SLC23A2: variants seen among roughly 807,000 people sequenced by gnomAD.
SLC23A2 encodes solute carrier family 23 member 2.
A neutral mutation model predicts 73.3 loss-of-function variants in SLC23A2; 36 were observed. The ratio of observed to expected loss-of-function variants is 0.49; its 90% CI spans 0.38 to 0.65. The LOEUF is 0.65. SLC23A2 is among the 30% of genes least tolerant of loss of function. The pLI is 0.00. For missense variants in SLC23A2, 507 were observed against 841.6 expected, an observed-to-expected ratio of 0.60 and a Z score of 4.92; for synonymous variants, 343 against 327.3, an observed-to-expected ratio of 1.05 and a Z score of -0.52.
intron 1 of SLC23A2, among the ~76,000 whole-genome samples, chr20:4,987,570 C>G (rs573033055): frequency 6.6e-6 from 1 of 152,164 alleles, no homozygotes; most frequent in South Asian, 2.1e-4. Context: ...ACTATGTGGC[C>G]GGGCGCGGTG....
rs922499044 is a variant in SLC23A2, at chr20:4,872,199, G to A, written c.1102+1737C>T. On this transcript the variant is annotated intron_variant, in intron 11 of 16. Transcript: ENST00000338244. This position sits in a 1 kb window ranked among gnomAD's most constrained non-coding sequence, Gnocchi z 4.4. ...TCCAGACCATGCCTAGTGTACTAAAGACTGAAAAGCACTGCTCAGGTATTC... is the reference window on the plus strand; with the variant it reads ...TCCAGACCATGCCTAGTGTACTAAAAACTGAAAAGCACTGCTCAGGTATTC... Among the ~76,000 whole-genome samples, 1 of 152,126 alleles carries A rather than the reference G, an allele frequency of 6.6e-6. No individual in the cohort carries two copies. Among genetic ancestry groups the A allele is most frequent in the African/African-American group, 2.4e-5 (1 of 41,420 alleles).
chr20:5,003,291 G>A (rs1055939623), upstream of SLC23A2, among the ~76,000 whole-genome samples: 9 of 152,130 alleles, frequency 5.9e-5, no homozygotes, highest in Non-Finnish European at 1.2e-4. Flanking sequence ...GGCTGAGGCA[G>A]GAGAATGGCG....
chr20:5,000,896 A>T (rs1196212457), intron 1 of SLC23A2, among the ~76,000 whole-genome samples: 1 of 152,140 alleles, frequency 6.6e-6, no homozygotes, highest in Admixed American at 6.5e-5. Flanking sequence ...GAAGGGAAGA[A>T]AGCAAGAATG....
intron 2 of SLC23A2, among the ~76,000 whole-genome samples, chr20:4,970,376 A>C (rs1312768133): frequency 6.6e-6 from 1 of 152,186 alleles, no homozygotes; most frequent in East Asian, 1.9e-4. Flanking sequence ...TAAAAAACGT[A>C]CAAAGGTAAG....
At chr20:4,920,986 T>C (rs953402348) in intron 3 of SLC23A2, among the ~76,000 whole-genome samples, 1 of 152,136 alleles carries the variant, frequency 6.6e-6, no homozygotes, top group Non-Finnish European at 1.5e-5. Context: ...TGAAAGAATA[T>C]AAATGGCCAA....
At chr20:4,907,799 A>G (rs534933224) in intron 4 of SLC23A2, among the ~76,000 whole-genome samples, 24 of 152,288 alleles carry the variant, frequency 1.6e-4, no homozygotes, top group Admixed American at 3.9e-4. Context: ...AGGATACTAC[A>G]GTATTCAATG....
At chr20:4,927,902 G>A (rs1932724448) in intron 3 of SLC23A2, among the ~76,000 whole-genome samples, 2 of 152,088 alleles carry the variant, frequency 1.3e-5, no homozygotes, top group South Asian at 2.1e-4. Context: ...AATGGGAAGC[G>A]ACCCACTGTA....
Position 4,940,985 on chromosome 20 carries a change from G to A in SLC23A2, c.-154-8269C>T, listed in dbSNP as rs370908253. Among the ~76,000 whole-genome samples, 392 of 151,602 alleles carry A rather than the reference G, an allele frequency of 2.6e-3. 2 individuals carry two copies. The highest frequency in any genetic ancestry group is 9.2e-3 in the African/African-American group (381 of 41,330). On this transcript the variant is annotated intron_variant, in intron 2 of 16. Coordinates refer to ENST00000338244, the MANE Select transcript of SLC23A2 (RefSeq NM_005116.6). ...AGCCTGGCCAACATGGTGAAAACCC[G>A]TCTCTACCAAAAATACAAAAGTTAG...
At chr20:4,967,571 T>C (rs569615956) in intron 2 of SLC23A2, among the ~76,000 whole-genome samples, 19 of 152,316 alleles carry the variant, frequency 1.2e-4, no homozygotes, top group African/African-American at 3.6e-4. Context: ...TTGCTACTGA[T>C]CAAACCATAA....
intron 1 of SLC23A2, among the ~76,000 whole-genome samples, chr20:5,008,949 C>A (rs2088220105): frequency 6.6e-6 from 1 of 152,058 alleles, no homozygotes; most frequent in African/African-American, 2.4e-5. Context: ...CTCAAAAAAG[C>A]CACGTACAGT....
At chr20:4,972,566 G>T (rs1568649863) in intron 1 of SLC23A2, among the ~76,000 whole-genome samples, 4 of 122,194 alleles carry the variant, frequency 3.3e-5, no homozygotes, top group African/African-American at 1.2e-4. Flanking sequence ...TTTTTGGGGG[G>T]TTTTTTGGGG....
Position 4,863,054 on chromosome 20 carries a change from G to A in SLC23A2, c.1357-147C>T. On this transcript the variant is annotated intron_variant, in intron 13 of 16. Transcript: ENST00000338244. The surrounding 1 kb of genome is among the most constrained non-coding windows in gnomAD (Gnocchi z 4.8). ...AGCCCACTCTTCTCACCTCCACTGTGGGGACCCTGAGGGCCGCCCTCTGCA... is the reference window on the plus strand; with the variant it reads ...AGCCCACTCTTCTCACCTCCACTGTAGGGACCCTGAGGGCCGCCCTCTGCA... The A allele has an allele frequency of 1.3e-6, 1 of 754,240 alleles. No individual in the cohort carries two copies. Among genetic ancestry groups the A allele is most frequent in the South Asian group, 1.9e-5 (1 of 53,542 alleles). The allele number at this position is 754,240 out of a possible 1,614,324, so 46.7% of individuals were successfully genotyped here.
At chr20:4,917,080 C>T (rs1443628767) in intron 3 of SLC23A2, among the ~76,000 whole-genome samples, 3 of 152,182 alleles carry the variant, frequency 2.0e-5, no homozygotes, top group African/African-American at 7.2e-5. Context: ...AATGAGAATG[C>T]AGTCCTGCCT....
At chr20:4,966,569 T>C (rs1172475026) in intron 2 of SLC23A2, among the ~76,000 whole-genome samples, 1 of 152,170 alleles carries the variant, frequency 6.6e-6, no homozygotes, top group South Asian at 2.1e-4. Flanking sequence ...TTATATTGAT[T>C]GTGTTGAAAT....
chr20:4,929,449 C>T (rs558752320), intron 3 of SLC23A2, among the ~76,000 whole-genome samples: 1 of 152,284 alleles, frequency 6.6e-6, no homozygotes, highest in South Asian at 2.1e-4. Flanking sequence ...TGGTTGGCAA[C>T]CCTGGGGAAG....
chr20:4,901,134 G>A (rs1240806655), intron 5 of SLC23A2, among the ~76,000 whole-genome samples: 2 of 152,132 alleles, frequency 1.3e-5, no homozygotes, highest in Admixed American at 1.3e-4. Context: ...CTCAGCCCAA[G>A]GTAGACTAGT....
At chr20:4,875,524 A>C in intron 9 of SLC23A2, among the ~76,000 whole-genome samples, 1 of 152,166 alleles carries the variant, frequency 6.6e-6, no homozygotes. Flanking sequence ...CCCTGGTCAC[A>C]GGGCAAGGAG....
At chr20:4,984,693 T>G (rs2087794209) in intron 1 of SLC23A2, among the ~76,000 whole-genome samples, 1 of 151,898 alleles carries the variant, frequency 6.6e-6, no homozygotes, top group African/African-American at 2.4e-5. Context: ...ACTAGGGAAA[T>G]GCAAACCAAA....
In SLC23A2 at chr20:4,868,469, C is replaced by A. The variant is rs1930295524; in HGVS notation, c.1251-594G>T. ...AGATTTGAGTGTTTTTAAATCACCG[C>A]AAATGAAAGCAAAGGATTTTAGCCA... On this transcript the variant is annotated intron_variant, in intron 12 of 16. Coordinates refer to ENST00000338244, the MANE Select transcript of SLC23A2 (RefSeq NM_005116.6). The surrounding 1 kb of genome is among the most constrained non-coding windows in gnomAD (Gnocchi z 4.4). Among the ~76,000 whole-genome samples, 1 of 152,078 alleles carries A rather than the reference C, an allele frequency of 6.6e-6. No individual in the cohort carries two copies. The highest frequency in any genetic ancestry group is 6.5e-5 in the Admixed American group (1 of 15,270).
Sources: allele counts gnomAD v4.1 joint callset (sites outside exome capture counted in the v4.1 genomes callset), GRCh38; gene constraint gnomAD v4.1.1; non-coding constraint Gnocchi (gnomAD v3.1); transcripts MANE v1.5; gene names NCBI Gene and HGNC (gene_info 2026-07-23, HGNC 2026-07-21).